GPR176: variants seen among roughly 807,000 people sequenced by gnomAD.
GPR176 encodes G protein-coupled receptor 176, also known as G-protein coupled receptor 176.
A neutral mutation model predicts 35.4 loss-of-function variants in GPR176; 26 were observed. That is an observed-to-expected ratio of 0.74 (90% confidence interval 0.54 to 1.02). The LOEUF is 1.02. GPR176 is among the 50% of genes least tolerant of loss of function. The pLI is 0.00. For missense variants in GPR176, 597 were observed against 665.3 expected (o/e 0.90, Z 1.13); for synonymous variants, 278 against 271.3 (o/e 1.02, Z -0.24).
At chr15:39,880,864 C>T (rs1595503042) in intron 1 of GPR176, among the ~76,000 whole-genome samples, 2 of 152,300 alleles carry the variant, frequency 1.3e-5, no homozygotes, top group South Asian at 2.1e-4. Flanking sequence ...CTAGAAATCA[C>T]GACAGCCTCA....
chr15:39,904,608 C>T (rs547494342), intron 1 of GPR176, among the ~76,000 whole-genome samples: 2 of 152,264 alleles, frequency 1.3e-5, no homozygotes, highest in African/African-American at 4.8e-5. Flanking sequence ...TGATTTGTGT[C>T]CCCTGCAATT....
chr15:39,819,465 AAT>A (rs1264723374), intron 1 of GPR176, among the ~76,000 whole-genome samples: 2 of 152,236 alleles, frequency 1.3e-5, no homozygotes, highest in Non-Finnish European at 2.9e-5. Flanking sequence ...TAAATAGATG[AAT>A]AAATTAAAAC....
In GPR176 at chr15:39,801,607, C is replaced by T; in HGVS notation, c.1073G>A (p.Ser358Asn). Residue 358 changes from serine to asparagine, a missense_variant, in exon 3 of 3, where the codon AGC becomes AAC. Physicochemically the swap from Ser to Asn is conservative, Grantham distance 46. Around this residue, in one of 3 missense-constraint regions of GPR176, gnomAD observed 251 missense variants for 255.4 expected, o/e 0.98. Coordinates refer to ENST00000561100, the MANE Select transcript of GPR176 (RefSeq NM_007223.3). ...VSTGSGMAEA[S>N]LEPSIRSGSQ... ...ACCCGAGCGTATGCTGGGTTCCAGG[C>T]TGGCCTCAGCCATGCCACTCCCTGT... 1 of 1,614,096 alleles carries T rather than the reference C, an allele frequency of 6.2e-7. No individual in the cohort carries two copies. Among genetic ancestry groups the T allele is most frequent in the South Asian group, 1.1e-5 (1 of 91,078 alleles).
chr15:39,858,184 C>CTAGAAAAAAGGGAACTA (rs1295300615), intron 1 of GPR176, among the ~76,000 whole-genome samples: 1 of 151,868 alleles, frequency 6.6e-6, no homozygotes, highest in Admixed American at 6.6e-5. Context: ...ACTAGAAAAA[C>CTAGAAAAAAGGGAACTA]GGTGCTTACT....
chr15:39,815,352 C>A (rs1899828460), intron 1 of GPR176: 1 of 152,228 alleles, frequency 6.6e-6, no homozygotes, highest in Admixed American at 6.5e-5. Flanking sequence ...TTGAGTGGTG[C>A]TCCTCTGGCA....
intron 1 of GPR176, among the ~76,000 whole-genome samples, chr15:39,843,534 T>C (rs1453976912): frequency 6.6e-6 from 1 of 152,038 alleles, no homozygotes; most frequent in Non-Finnish European, 1.5e-5. Flanking sequence ...TGAGCCCACA[T>C]CTGGAGGTTG....
chr15:39,801,459 G>GA lies in GPR176; in HGVS notation c.1220_1221insT (p.Thr408HisfsTer36). On this transcript the variant is annotated frameshift_variant, in exon 3 of 3. Transcript: ENST00000561100. LOFTEE classifies it high-confidence loss of function. Reference sequence around the variant, plus strand: ...GCCCCTGCTCTCCCTCCAGGCAGGTGCTAAATATCTCCTTGGCCTGGAAGT... The same window carrying GA: ...GCCCCTGCTCTCCCTCCAGGCAGGTGACTAAATATCTCCTTGGCCTGGAAGT... 1 of 1,614,126 alleles carries GA rather than the reference G, an allele frequency of 6.2e-7. No homozygotes were observed. The highest frequency in any genetic ancestry group is 8.5e-7 in the Non-Finnish European group (1 of 1,179,956).
chr15:39,825,897 G>A (rs1595454811), intron 1 of GPR176, among the ~76,000 whole-genome samples: 2 of 152,240 alleles, frequency 1.3e-5, no homozygotes, highest in East Asian at 3.9e-4. Flanking sequence ...TTTTCCAAAT[G>A]CATTACTATA....
chr15:39,810,449 C>T (rs988905157), intron 1 of GPR176, among the ~76,000 whole-genome samples: 3 of 152,036 alleles, frequency 2.0e-5, no homozygotes, highest in East Asian at 1.9e-4. Context: ...CCTTTTAAAC[C>T]GGTTTATTGG....
chr15:39,899,906 T>G (rs1254220207), intron 1 of GPR176, among the ~76,000 whole-genome samples: 1 of 152,188 alleles, frequency 6.6e-6, no homozygotes. Flanking sequence ...AAAATCATCC[T>G]AGATTCTAGC....
chr15:39,847,775 T>G (rs1343502529), intron 1 of GPR176, among the ~76,000 whole-genome samples: 1 of 146,368 alleles, frequency 6.8e-6, no homozygotes, highest in Non-Finnish European at 1.5e-5. Flanking sequence ...GAAGTCATGG[T>G]TATCTTAATA....
chr15:39,879,250 T>C (rs937364343), intron 1 of GPR176, among the ~76,000 whole-genome samples: 1 of 152,176 alleles, frequency 6.6e-6, no homozygotes, highest in Non-Finnish European at 1.5e-5. Flanking sequence ...AAACCCTGTT[T>C]CTTAACTCCC....
chr15:39,896,360 G>A (rs114778387), intron 1 of GPR176, among the ~76,000 whole-genome samples: 285 of 152,336 alleles, frequency 1.9e-3, no homozygotes, highest in African/African-American at 6.6e-3. Flanking sequence ...AAAGGTGAAA[G>A]CTAACCCAAC....
At position 39,801,316 on chromosome 15, in the gene GPR176, A is replaced by C; in HGVS notation, c.1364T>G (p.Phe455Cys). The change falls in exon 3 of 3, where the codon TTT becomes TGT. Residue 455 changes from phenylalanine (F) to cysteine (C), a missense_variant. Physicochemically the swap from Phe to Cys is radical, Grantham distance 205 (BLOSUM62 -2). This residue lies in a region of GPR176 where 251 missense variants were observed against 255.4 expected (regional missense o/e 0.98). Transcript: ENST00000561100. ...CTGAGGAGGCAACTCAAAAGGCCCA[A>C]AGCCAAACTGCAGGGAATACTTATC... The part of the protein sequence containing the change: ...FPDKYSLQFG[F>C]GPFELPPQWL... 1 of 1,614,188 alleles carries C rather than the reference A, an allele frequency of 6.2e-7. No homozygotes were observed. The highest frequency in any genetic ancestry group is 8.5e-7 in the Non-Finnish European group (1 of 1,179,998).
At chr15:39,893,625 T>C (rs1232814142) in intron 1 of GPR176, among the ~76,000 whole-genome samples, 2 of 152,104 alleles carry the variant, frequency 1.3e-5, no homozygotes, top group Non-Finnish European at 2.9e-5. Flanking sequence ...TGGGCACACC[T>C]CCCAGACGGG....
intron 1 of GPR176, among the ~76,000 whole-genome samples, chr15:39,910,761 G>A (rs1332992159): frequency 2.6e-5 from 4 of 152,048 alleles, no homozygotes; most frequent in Non-Finnish European, 5.9e-5. Flanking sequence ...AAAACAGCCA[G>A]GCTCAGTGGC....
At chr15:39,811,957 T>C (rs1899598247) in intron 1 of GPR176, among the ~76,000 whole-genome samples, 1 of 152,208 alleles carries the variant, frequency 6.6e-6, no homozygotes, top group Non-Finnish European at 1.5e-5. Flanking sequence ...ATTTCAGTTT[T>C]GTATTTTCAG....
intron 1 of GPR176, among the ~76,000 whole-genome samples, chr15:39,888,829 C>T (rs531859733): frequency 3.9e-5 from 6 of 152,312 alleles, no homozygotes; most frequent in East Asian, 3.9e-4. Context: ...AAGCTTCTAG[C>T]TGTGATAACT....
At chr15:39,911,552 T>C (rs2033577398) in intron 1 of GPR176, among the ~76,000 whole-genome samples, 1 of 152,144 alleles carries the variant, frequency 6.6e-6, no homozygotes, top group African/African-American at 2.4e-5. Context: ...AAGAAAACAA[T>C]AGTAACAACA....
Sources: gnomAD v4.1 joint callset for allele counts (sites outside exome capture counted in the v4.1 genomes callset) on GRCh38, gnomAD v4.1.1 for gene constraint, gnomAD v4.1.1 regional missense constraint, MANE v1.5 for transcripts, NCBI Gene and HGNC (gene_info 2026-07-23, HGNC 2026-07-21) for gene names.